The following ZKSCAN5 variants were observed in gnomAD, a reference collection of about 807,000 sequenced individuals.
ZKSCAN5 encodes the protein zinc finger protein with KRAB and SCAN domains 5.
ZKSCAN5 carries 28 observed loss-of-function variants against 60.0 expected under a neutral mutation model. The observed-to-expected ratio is 0.47, with a 90% CI of 0.35 to 0.64. The LOEUF (loss-of-function observed/expected upper bound fraction) is 0.64, where lower values mean the gene tolerates loss of function less well. Ranked by LOEUF, ZKSCAN5 falls within the 30% of genes least tolerant of loss-of-function variation. ZKSCAN5 has a pLI of 0.01. For missense variants in ZKSCAN5, 881 were observed against 1,034.6 expected (o/e 0.85, Z 2.04); for synonymous variants, 361 against 371.2 (o/e 0.97, Z 0.31).
chr7:99,533,099 A>G lies in ZKSCAN5; in HGVS notation c.*850A>G. ...CAGGAATGAGGGCAGCTAAACCCATAGAAGGAGTTGGACCAAGGCGAATTA... is the reference window on the plus strand; with the variant it reads ...CAGGAATGAGGGCAGCTAAACCCATGGAAGGAGTTGGACCAAGGCGAATTA... On this transcript the variant is annotated 3_prime_UTR_variant, in exon 7 of 7. Coordinates refer to ENST00000326775, the MANE Select transcript of ZKSCAN5 (RefSeq NM_145102.4). The G allele has an allele frequency of 2.8e-6, 1 of 358,404 alleles. No homozygotes were observed. Among genetic ancestry groups the G allele is most frequent in the Non-Finnish European group, 5.9e-6 (1 of 170,458 alleles). 22.2% of individuals were successfully genotyped at this position (358,404 alleles called of 1,614,324 possible).
At chr7:99,512,364 G>A (rs2151098331) in intron 2 of ZKSCAN5, 89 bp from the exon 3 acceptor site, 1 of 1,498,296 alleles carries the variant, frequency 6.7e-7, no homozygotes, top group Non-Finnish European at 9.0e-7. Flanking sequence ...ATTTGGCAAA[G>A]GAATGAATGA....
intron 3 of ZKSCAN5, among the ~76,000 whole-genome samples, chr7:99,513,470 T>C (rs1306984467): frequency 6.6e-6 from 1 of 152,156 alleles, no homozygotes; most frequent in Non-Finnish European, 1.5e-5. Flanking sequence ...CTTGGCTCAC[T>C]GCAGCCTCTG....
intron 6 of ZKSCAN5, among the ~76,000 whole-genome samples, chr7:99,529,295 G>A (rs1321793747): frequency 3.3e-5 from 5 of 151,668 alleles, no homozygotes; most frequent in Non-Finnish European, 7.4e-5. Context: ...CACCTACCAC[G>A]ATCCCTTGCT....
chr7:99,532,425 T>G lies in ZKSCAN5; in HGVS notation c.*176T>G. 1 of 511,754 alleles carries G rather than the reference T, an allele frequency of 2.0e-6. No homozygotes were observed. Among genetic ancestry groups the G allele is most frequent in the Non-Finnish European group, 3.2e-6 (1 of 310,458 alleles). 31.7% of individuals were successfully genotyped at this position (511,754 alleles called of 1,614,324 possible). A position where few individuals can be genotyped will look rare whatever the true frequency, so the allele number is the denominator to read the frequency against. Reference sequence around the variant, plus strand: ...GGAGAACCCACAATAATAGAAATCTTTTCGTGTTCCCCATTGAGAAATGCT... The same window carrying G: ...GGAGAACCCACAATAATAGAAATCTGTTCGTGTTCCCCATTGAGAAATGCT... On this transcript the variant is annotated 3_prime_UTR_variant, in exon 7 of 7. Transcript: ENST00000326775.
intron 1 of ZKSCAN5, chr7:99,505,220 C>A (rs991998071): frequency 3.3e-5 from 5 of 151,838 alleles, no homozygotes; most frequent in African/African-American, 1.2e-4. Context: ...GGGGTGGGAT[C>A]TAACGGTTTA....
intron 3 of ZKSCAN5, among the ~76,000 whole-genome samples, chr7:99,519,392 C>G (rs1801417261): frequency 2.0e-5 from 3 of 151,704 alleles, no homozygotes; most frequent in Non-Finnish European, 4.4e-5. Flanking sequence ...ATTATCATGC[C>G]TTATCCTCTC....
Position 99,532,369 on chromosome 7 carries a change from C to T in ZKSCAN5, c.*120C>T. On this transcript the variant is annotated 3_prime_UTR_variant, in exon 7 of 7. Coordinates refer to ENST00000326775, the MANE Select transcript of ZKSCAN5 (RefSeq NM_145102.4). ...TCAAACTCACAAATAGGTTGAAATC[C>T]TTTAGTTATAACTCAGCCTTTAGGA... 1.0e-6 allele frequency: 1 copy of T among 999,906 alleles called. No homozygotes were observed. Among genetic ancestry groups the T allele is most frequent in the Non-Finnish European group, 1.4e-6 (1 of 705,402 alleles). 61.9% of individuals were successfully genotyped at this position (999,906 alleles called of 1,614,324 possible).
At chr7:99,509,889 G>GT (rs1800939742) in intron 2 of ZKSCAN5, among the ~76,000 whole-genome samples, 1 of 152,114 alleles carries the variant, frequency 6.6e-6, no homozygotes, top group South Asian at 2.1e-4. Context: ...CATAGGAGTT[G>GT]TAAGCGTTAT....
intron 6 of ZKSCAN5, among the ~76,000 whole-genome samples, chr7:99,529,278 C>T (rs898129227): frequency 2.6e-5 from 4 of 151,936 alleles, no homozygotes; most frequent in Non-Finnish European, 4.4e-5. Flanking sequence ...GTAGCTGGGA[C>T]TACAGGCACC....
At position 99,534,294 on chromosome 7, in the gene ZKSCAN5, AC is replaced by A. The variant is rs964177351; in HGVS notation, c.*2047del. 1 of 152,084 alleles carries A rather than the reference AC, an allele frequency of 6.6e-6. No individual in the cohort carries two copies. The highest frequency in any genetic ancestry group is 2.4e-5 in the African/African-American group (1 of 41,374). 9.4% of individuals were successfully genotyped at this position (152,084 alleles called of 1,614,324 possible). On this transcript the variant is annotated 3_prime_UTR_variant, in exon 7 of 7. Coordinates refer to ENST00000326775, the MANE Select transcript of ZKSCAN5 (RefSeq NM_145102.4). Reference sequence around the variant, plus strand: ...GCAATCACAGCTCACTGCAGCCTTGACCTCCCGGGCTCAAGTGGTCTAGCCA... The same window carrying A: ...GCAATCACAGCTCACTGCAGCCTTGACTCCCGGGCTCAAGTGGTCTAGCCA...
In ZKSCAN5 at chr7:99,517,509, C is replaced by T. The variant is rs190204693; in HGVS notation, c.554-2318C>T. The stretch of plus-strand genomic sequence containing the variant: ...CAGCCTGGCCAACATGGCGAAATCC[C>T]GTCTCTACTAAAAATACAAAAATTA... On this transcript the variant is annotated intron_variant, in intron 3 of 6. Coordinates refer to ENST00000326775, the MANE Select transcript of ZKSCAN5 (RefSeq NM_145102.4). 7.4e-3 allele frequency among the ~76,000 whole-genome samples: 1,127 copies of T among 152,138 alleles called. 7 individuals are homozygous for T. Among genetic ancestry groups the T allele is most frequent in the African/African-American group, 0.026 (1,092 of 41,550 alleles).
intron 2 of ZKSCAN5, among the ~76,000 whole-genome samples, chr7:99,507,451 GTA>G (rs1177888862): frequency 3.3e-5 from 5 of 149,642 alleles, no homozygotes; most frequent in South Asian, 4.2e-4. Context: ...GCGTATATAT[GTA>G]TATATATGCG....
At chr7:99,507,428 AATGT>A (rs1324606704) in intron 2 of ZKSCAN5, among the ~76,000 whole-genome samples, 1 of 151,382 alleles carries the variant, frequency 6.6e-6, no homozygotes. Flanking sequence ...TAATATACAT[AATGT>A]ATGTGTTTGC....
chr7:99,533,801 A>G lies in ZKSCAN5; in HGVS notation c.*1552A>G, dbSNP rs773192700. On this transcript the variant is annotated 3_prime_UTR_variant, in exon 7 of 7. Transcript: ENST00000326775. ...ATTCCCTCCCTCAAAGGCGTTTCCCAAATAAATCACACTGTCAATCACATG... is the reference window on the plus strand; with the variant it reads ...ATTCCCTCCCTCAAAGGCGTTTCCCGAATAAATCACACTGTCAATCACATG... 3 of 395,988 alleles carry G rather than the reference A, an allele frequency of 7.6e-6. No individual in the cohort carries two copies. Among genetic ancestry groups the G allele is most frequent in the Non-Finnish European group, 1.3e-5 (3 of 225,144 alleles). 24.5% of individuals were successfully genotyped at this position (395,988 alleles called of 1,614,324 possible).
chr7:99,525,974 A>C lies in ZKSCAN5; in HGVS notation c.934A>C (p.Asn312His), dbSNP rs764905637. The C allele has an allele frequency of 2.5e-6, 4 of 1,613,992 alleles. No homozygotes were observed. The African/African-American group carries it at 4.0e-5, about 16-fold the overall frequency. The change falls in exon 6 of 7, where the codon AAC (asparagine) becomes CAC (histidine). Residue 312 changes from asparagine to histidine, a missense_variant. Transcript: ENST00000326775. ...LKGMVQRWQV[N>H]PTVGKSRQNP... ...AGGCATGGTACAAAGGTGGCAGGTC[A>C]ACCCCACTGTGGGGAAATCAAGGCA... is the stretch of plus-strand genomic sequence containing the variant.
At chr7:99,516,049 G>A (rs10230784) in intron 3 of ZKSCAN5, among the ~76,000 whole-genome samples, 18,800 of 151,208 alleles carry the variant, frequency 0.12, 1,534 homozygotes, top group African/African-American at 0.22. Flanking sequence ...GTGTAGTGGC[G>A]TGACTGCAAC....
chr7:99,534,254 C>T lies in ZKSCAN5; in HGVS notation c.*2005C>T, dbSNP rs1199642118. 2 of 152,236 alleles carry T rather than the reference C, an allele frequency of 1.3e-5. No homozygotes were observed. Among genetic ancestry groups the T allele is most frequent in the Non-Finnish European group, 2.9e-5 (2 of 68,116 alleles). The allele number at this position is 152,236 out of a possible 1,614,324, so 9.4% of individuals were successfully genotyped here. A position where few individuals can be genotyped will look rare whatever the true frequency, so the allele number is the denominator to read the frequency against. ...ACAGGGTCTTGCTCTGCTGCCCAGG[C>T]TAGAGTGCAGTGGTGCAATCACAGC... On this transcript the variant is annotated 3_prime_UTR_variant, in exon 7 of 7. Coordinates refer to ENST00000326775, the MANE Select transcript of ZKSCAN5 (RefSeq NM_145102.4).
At chr7:99,528,283 G>A (rs1254627827) in intron 6 of ZKSCAN5, among the ~76,000 whole-genome samples, 2 of 152,058 alleles carry the variant, frequency 1.3e-5, no homozygotes, top group Non-Finnish European at 2.9e-5. Context: ...CCCTCATTTG[G>A]AAAATCCACC....
In ZKSCAN5 at chr7:99,526,039, C is replaced by G; in HGVS notation, c.999C>G (p.Asp333Glu). 4 of 1,614,192 alleles carry G rather than the reference C, an allele frequency of 2.5e-6. No homozygotes were observed. Among genetic ancestry groups the G allele is most frequent in the Non-Finnish European group, 3.4e-6 (4 of 1,180,040 alleles). Reference sequence around the variant, plus strand: ...AAAGGGATCTGGATGCAATCACAGACATCAGCCCTAAGCAAAGCACACATG... The same window carrying G: ...AAAGGGATCTGGATGCAATCACAGAGATCAGCCCTAAGCAAAGCACACATG... ...SQKRDLDAIT[D>E]ISPKQSTHGE... The change falls in exon 6 of 7, where the codon GAC becomes GAG. Residue 333 changes from aspartate (D) to glutamate (E), a missense_variant. By Grantham distance (45) the Asp-to-Glu change is conservative. Coordinates refer to ENST00000326775, the MANE Select transcript of ZKSCAN5 (RefSeq NM_145102.4).
Sources: gnomAD v4.1 joint callset for allele counts (sites outside exome capture counted in the v4.1 genomes callset) on GRCh38, gnomAD v4.1.1 for gene constraint, MANE v1.5 for transcripts, NCBI Gene and HGNC (gene_info 2026-07-23, HGNC 2026-07-21) for gene names.